Variants in ASZ1 observed in about 807,000 individuals in gnomAD.
The protein encoded by ASZ1 is ankyrin repeat, SAM and basic leucine zipper domain containing 1, also known as ankyrin repeat, SAM and basic leucine zipper domain-containing protein 1.
A neutral mutation model predicts 61.8 loss-of-function variants in ASZ1; 67 were observed. That is an observed-to-expected ratio of 1.08 (90% confidence interval 0.89 to 1.33). ASZ1 has a LOEUF of 1.33. Among genes scored for constraint, ASZ1 ranks in the 40% most tolerant of loss-of-function variants. The probability of loss-of-function intolerance (pLI) is 0.00; values close to 1 mark genes in which losing one functional copy is unlikely to be tolerated. For synonymous variants in ASZ1, 193 were observed against 192.7 expected (o/e 1.00, Z -0.01); for missense variants, 577 against 554.5 (o/e 1.04, Z -0.41).
chr7:117,365,525 G>A (rs1256331940), intron 12 of ASZ1, among the ~76,000 whole-genome samples: 1 of 152,096 alleles, frequency 6.6e-6, no homozygotes, highest in African/African-American at 2.4e-5. Context: ...TCATCTTGGA[G>A]AAACCAAATT....
rs762540927 is a variant in ASZ1 at position 117,368,766 on chromosome 7, T to A, written c.1056-49A>T. 1.9e-6 allele frequency: 3 copies of A among 1,599,604 alleles called. No individual in the cohort carries two copies. In the East Asian group the frequency reaches 6.7e-5, roughly 36 times the overall value. On this transcript the variant is annotated intron_variant, in intron 10 of 12. Coordinates refer to ENST00000284629, the MANE Select transcript of ASZ1 (RefSeq NM_130768.3). The stretch of plus-strand genomic sequence containing the variant: ...AAGCAGGAATTACTAATAAGAGCAA[T>A]TTATTTCATTCTACTAGGCAAGTTA...
chr7:117,378,003 C>A (rs933676575), intron 10 of ASZ1, among the ~76,000 whole-genome samples: 2 of 151,846 alleles, frequency 1.3e-5, no homozygotes, highest in African/African-American at 4.8e-5. Context: ...AAAAAATGAA[C>A]CTCAGCCTAA....
intron 4 of ASZ1, among the ~76,000 whole-genome samples, chr7:117,416,662 T>C (rs1215589970): frequency 2.0e-5 from 3 of 152,316 alleles, no homozygotes; most frequent in Admixed American, 6.5e-5. Context: ...TCTGGAGTGA[T>C]AGAAATATCT....
At chr7:117,400,427 G>A (rs1796658233) in intron 4 of ASZ1, among the ~76,000 whole-genome samples, 1 of 152,172 alleles carries the variant, frequency 6.6e-6, no homozygotes, top group South Asian at 2.1e-4. Flanking sequence ...GGTGAATTGA[G>A]TTTTATATCC....
chr7:117,385,269 T>G (rs1476732826), intron 5 of ASZ1, among the ~76,000 whole-genome samples: 1 of 151,932 alleles, frequency 6.6e-6, no homozygotes, highest in Non-Finnish European at 1.5e-5. Flanking sequence ...TTTCTTTTCT[T>G]TTTTTTTGAG....
chr7:117,399,446 A>G (rs1796637064), intron 4 of ASZ1, among the ~76,000 whole-genome samples: 1 of 152,156 alleles, frequency 6.6e-6, no homozygotes, highest in African/African-American at 2.4e-5. Flanking sequence ...TAGCCTTGGA[A>G]TCTCTTCCGT....
chr7:117,370,611 A>G (rs183819528), intron 10 of ASZ1, among the ~76,000 whole-genome samples: 1 of 152,238 alleles, frequency 6.6e-6, no homozygotes, highest in African/African-American at 2.4e-5. Flanking sequence ...GAAAGAAACA[A>G]AATTTGAATG....
At chr7:117,367,567 A>G in intron 11 of ASZ1, 102 bp from the exon 12 acceptor site, 1 of 1,201,566 alleles carries the variant, frequency 8.3e-7, no homozygotes, top group Non-Finnish European at 1.1e-6. Flanking sequence ...TAGATTACAT[A>G]ATTGAAAGGC....
chr7:117,367,891 CT>C (rs201888034), intron 11 of ASZ1: 2 of 983,548 alleles, frequency 2.0e-6, no homozygotes, highest in Non-Finnish European at 2.4e-6. Context: ...CTTTTTCTTT[CT>C]TTTTTTTGAG....
intron 10 of ASZ1, among the ~76,000 whole-genome samples, chr7:117,377,210 A>T (rs917124874): frequency 4.6e-5 from 7 of 152,210 alleles, no homozygotes; most frequent in Admixed American, 1.3e-4. Flanking sequence ...GATCTGTATG[A>T]TGAAAATGAC....
At chr7:117,400,659 C>T (rs1562855193) in intron 4 of ASZ1, among the ~76,000 whole-genome samples, 1 of 152,136 alleles carries the variant, frequency 6.6e-6, no homozygotes. Context: ...GATCTTCTGT[C>T]GGACTTCTGC....
chr7:117,386,498 C>A (rs1446945194), intron 4 of ASZ1, among the ~76,000 whole-genome samples: 1 of 152,238 alleles, frequency 6.6e-6, no homozygotes, highest in South Asian at 2.1e-4. Flanking sequence ...ACCTTCTGGG[C>A]CTATTCCAAG....
At chr7:117,392,052 C>T (rs1459601735) in intron 4 of ASZ1, among the ~76,000 whole-genome samples, 1 of 152,132 alleles carries the variant, frequency 6.6e-6, no homozygotes, top group Admixed American at 6.6e-5. Flanking sequence ...CTCTGCCTCC[C>T]AAAGTGCTGG....
At chr7:117,402,977 C>G (rs1370078389) in intron 4 of ASZ1, among the ~76,000 whole-genome samples, 1 of 151,798 alleles carries the variant, frequency 6.6e-6, no homozygotes, top group African/African-American at 2.4e-5. Flanking sequence ...ATGATATCAT[C>G]AATTTAATGG....
intron 4 of ASZ1, among the ~76,000 whole-genome samples, chr7:117,405,825 C>G (rs1476576046): frequency 6.6e-6 from 1 of 152,190 alleles, no homozygotes; most frequent in Non-Finnish European, 1.5e-5. Context: ...GGTCCAGGAG[C>G]AATGGGCTGA....
At chr7:117,387,709 T>C (rs74434287) in intron 4 of ASZ1, among the ~76,000 whole-genome samples, 3,467 of 152,288 alleles carry the variant, frequency 0.023, 131 homozygotes, top group African/African-American at 0.079. Context: ...CTGATTTATA[T>C]TGCCATAGTC....
At chr7:117,390,106 G>T (rs191316939) in intron 4 of ASZ1, among the ~76,000 whole-genome samples, 34 of 151,822 alleles carry the variant, frequency 2.2e-4, no homozygotes, top group Admixed American at 7.9e-4. Context: ...TGACCTATAT[G>T]TGGCATATTT....
At chr7:117,379,253 T>A (rs1312719589) in intron 10 of ASZ1, among the ~76,000 whole-genome samples, 1 of 149,586 alleles carries the variant, frequency 6.7e-6, no homozygotes, top group Non-Finnish European at 1.5e-5. Context: ...CAATGTAAAT[T>A]TTCTGGTTTT....
rs147101077 is a variant in ASZ1, at chr7:117,403,415, T to C, written c.440+16748A>G. Reference sequence around the variant, plus strand: ...CCCAAGCCCCACTCACGAGTGGTATTGCTTCAGCACTACTATTTGCTATGG... The same window carrying C: ...CCCAAGCCCCACTCACGAGTGGTATCGCTTCAGCACTACTATTTGCTATGG... On this transcript the variant is annotated intron_variant, in intron 4 of 12. Coordinates refer to ENST00000284629, the MANE Select transcript of ASZ1 (RefSeq NM_130768.3). Among the ~76,000 whole-genome samples, 257 of 152,228 alleles carry C rather than the reference T, an allele frequency of 1.7e-3. 2 individuals carry two copies. The highest frequency in any genetic ancestry group is 6.1e-3 in the African/African-American group (253 of 41,546).
Sources: gnomAD v4.1 joint callset for allele counts (sites outside exome capture counted in the v4.1 genomes callset) on GRCh38, gnomAD v4.1.1 for gene constraint, MANE v1.5 for transcripts, NCBI Gene and HGNC (gene_info 2026-07-23, HGNC 2026-07-21) for gene names.